CSMD3: variants seen among roughly 807,000 people sequenced by gnomAD.
CSMD3 encodes CUB and sushi domain-containing protein 3.
A neutral mutation model predicts 435.2 loss-of-function variants in CSMD3; 177 were observed. That is an observed-to-expected ratio of 0.41 (90% confidence interval 0.36 to 0.46). The LOEUF (loss-of-function observed/expected upper bound fraction) is 0.46, where lower values mean the gene tolerates loss of function less well. CSMD3 is among the 20% of genes least tolerant of loss of function. CSMD3 has a pLI of 0.34. For synonymous variants in CSMD3, 1,656 were observed against 1,520.5 expected, an observed-to-expected ratio of 1.09 and a Z score of -2.07; for missense variants, 4,265 against 4,504.6, an observed-to-expected ratio of 0.95 and a Z score of 1.52.
intron 32 of CSMD3, among the ~76,000 whole-genome samples, chr8:112,442,293 A>G (rs1815114869): frequency 6.6e-6 from 1 of 152,176 alleles, no homozygotes; most frequent in Non-Finnish European, 1.5e-5. Context: ...CCCACCTCCA[A>G]TATTGGGAAT....
chr8:112,620,288 G>A (rs1586821717), intron 22 of CSMD3, among the ~76,000 whole-genome samples: 1 of 152,128 alleles, frequency 6.6e-6, no homozygotes, highest in African/African-American at 2.4e-5. Flanking sequence ...AATTTCAGTA[G>A]GAACCGTATG....
At chr8:113,379,512 T>A (rs1372746212) in intron 1 of CSMD3, among the ~76,000 whole-genome samples, 1 of 152,174 alleles carries the variant, frequency 6.6e-6, no homozygotes, top group East Asian at 1.9e-4. Flanking sequence ...AGGTTGGATG[T>A]GTAGCCTAAG....
At chr8:112,405,214 CATATATATAT>C (rs71309768) in intron 35 of CSMD3, among the ~76,000 whole-genome samples, 1,373 of 19,004 alleles carry the variant, frequency 0.072, 27 homozygotes, top group East Asian at 0.14. Context: ...AAAAAACCCC[CATATATATAT>C]ATATATATAT....
intron 1 of CSMD3, among the ~76,000 whole-genome samples, chr8:113,359,239 TATTTAATTGGAAAACA>T (rs747988451): frequency 3.3e-5 from 5 of 152,182 alleles, no homozygotes; most frequent in Non-Finnish European, 7.3e-5. Flanking sequence ...AGGATCCCTT[TATTTAATTGGAAAACA>T]ACAAGTCATA....
chr8:113,226,805 C>A (rs2093033878), intron 3 of CSMD3, among the ~76,000 whole-genome samples: 1 of 151,580 alleles, frequency 6.6e-6, no homozygotes, highest in African/African-American at 2.4e-5. Flanking sequence ...CTTTCTGCAA[C>A]TGCTTCCTTA....
intron 3 of CSMD3, among the ~76,000 whole-genome samples, chr8:113,225,308 GA>G (rs1326481870): frequency 1.3e-5 from 2 of 151,410 alleles, no homozygotes; most frequent in Non-Finnish European, 3.0e-5. Context: ...AGAACATTCA[GA>G]AAAAGTTCTC....
At chr8:112,914,823 T>G (rs1350567) in intron 10 of CSMD3, among the ~76,000 whole-genome samples, 130,075 of 151,724 alleles carry the variant, frequency 0.86, 56,069 homozygotes, top group African/African-American at 0.94. Context: ...TGTGATCACT[T>G]TTATCTATAA....
intron 1 of CSMD3, among the ~76,000 whole-genome samples, chr8:113,320,553 G>A (rs573632025): frequency 2.0e-5 from 3 of 152,186 alleles, no homozygotes; most frequent in Admixed American, 2.0e-4. Flanking sequence ...CTGCAACTGA[G>A]CTTCTGTGAC....
chr8:112,485,722 A>G (rs958590785), intron 31 of CSMD3, among the ~76,000 whole-genome samples: 3 of 152,186 alleles, frequency 2.0e-5, no homozygotes, highest in African/African-American at 7.2e-5. Flanking sequence ...AGCTGTAATT[A>G]TAAAATTGAC....
chr8:113,094,439 T>C (rs778255548), intron 5 of CSMD3, among the ~76,000 whole-genome samples: 15 of 152,190 alleles, frequency 9.9e-5, no homozygotes, highest in Non-Finnish European at 2.1e-4. Context: ...TTCACTTTGC[T>C]TAAATGATTC....
chr8:112,973,869 G>C (rs2084749542), intron 7 of CSMD3, among the ~76,000 whole-genome samples: 2 of 151,796 alleles, frequency 1.3e-5, no homozygotes, highest in African/African-American at 4.8e-5. Context: ...GTAGAAAGTT[G>C]ATAAAAGTAT....
intron 13 of CSMD3, among the ~76,000 whole-genome samples, chr8:112,765,738 G>T (rs1168103425): frequency 6.6e-6 from 1 of 151,624 alleles, no homozygotes; most frequent in Non-Finnish European, 1.5e-5. Flanking sequence ...ACATTTGTTA[G>T]TTCAAGCCAG....
intron 20 of CSMD3, among the ~76,000 whole-genome samples, chr8:112,640,553 G>A (rs1209174187): frequency 1.3e-5 from 2 of 151,128 alleles, no homozygotes; most frequent in Non-Finnish European, 2.9e-5. Context: ...AAATATATAA[G>A]GTACTATTTT....
intron 54 of CSMD3, among the ~76,000 whole-genome samples, chr8:112,293,672 A>G (rs1466564645): frequency 6.6e-6 from 1 of 152,088 alleles, no homozygotes; most frequent in African/African-American, 2.4e-5. Context: ...GTCCCACTAT[A>G]AATTTTACAT....
chr8:112,859,107 A>G, intron 11 of CSMD3, 38 bp downstream of exon 11: 1 of 1,586,060 alleles, frequency 6.3e-7, no homozygotes, highest in African/African-American at 1.3e-5. Flanking sequence ...CTTTATGATT[A>G]TGACTTTTTT....
At chr8:113,261,610 A>G (rs1416598864) in intron 3 of CSMD3, among the ~76,000 whole-genome samples, 1 of 152,054 alleles carries the variant, frequency 6.6e-6, no homozygotes, top group African/African-American at 2.4e-5. Context: ...GTTCAAGCTG[A>G]AAATTATTTA....
At chr8:112,548,271 C>T (rs149841517) in intron 27 of CSMD3, among the ~76,000 whole-genome samples, 31 of 152,218 alleles carry the variant, frequency 2.0e-4, no homozygotes, top group East Asian at 5.8e-4. Flanking sequence ...TATTTCATCT[C>T]CTTTTTTAGA....
At chr8:112,386,236 G>A (rs369849107) in intron 36 of CSMD3, among the ~76,000 whole-genome samples, 25 of 152,058 alleles carry the variant, frequency 1.6e-4, no homozygotes, top group African/African-American at 2.7e-4. Context: ...TGCTTCCAGC[G>A]CTATGAGGAA....
chr8:113,065,553 AT>A (rs570348184), intron 5 of CSMD3, among the ~76,000 whole-genome samples: 4 of 151,498 alleles, frequency 2.6e-5, no homozygotes, highest in African/African-American at 7.3e-5. Flanking sequence ...CGCCTGGCTA[AT>A]TTTTTTTGTA....
Sources: gnomAD v4.1 joint callset for allele counts (sites outside exome capture counted in the v4.1 genomes callset) on GRCh38, gnomAD v4.1.1 for gene constraint, MANE v1.5 for transcripts, NCBI Gene and HGNC (gene_info 2026-07-23, HGNC 2026-07-21) for gene names.